Variants in MTSS1 observed in about 807,000 individuals in gnomAD.
The protein encoded by MTSS1 is protein MTSS 1.
Under a neutral mutation model 79.0 loss-of-function variants are expected in MTSS1, and 18 were observed. The ratio of observed to expected loss-of-function variants is 0.23; its 90% CI spans 0.16 to 0.34. The LOEUF (loss-of-function observed/expected upper bound fraction) is 0.34. Ranked by LOEUF, MTSS1 falls within the 10% of genes least tolerant of loss-of-function variation. The pLI is 1.00. For missense variants in MTSS1, 815 were observed against 986.2 expected (o/e 0.83, Z 2.33); for synonymous variants, 341 against 368.6 (o/e 0.93, Z 0.86).
At chr8:124,656,636 G>A (rs995761495) in intron 3 of MTSS1, among the ~76,000 whole-genome samples, 2 of 151,746 alleles carry the variant, frequency 1.3e-5, no homozygotes, top group Non-Finnish European at 2.9e-5. Context: ...AAATTAGCCA[G>A]GTGTGGTGGT....
chr8:124,655,786 A>G (rs1428632127), intron 3 of MTSS1, among the ~76,000 whole-genome samples: 2 of 152,146 alleles, frequency 1.3e-5, no homozygotes, highest in African/African-American at 4.8e-5. Context: ...AAAGGGTAGC[A>G]TCTCAGCTGG....
At position 124,598,471 on chromosome 8, in the gene MTSS1, ATCCT is replaced by A. The variant is rs560261870; in HGVS notation, c.209-7240_209-7237del. Among the ~76,000 whole-genome samples, 802 of 152,252 alleles carry A rather than the reference ATCCT, an allele frequency of 5.3e-3. 6 individuals carry two copies. Among genetic ancestry groups the A allele is most frequent in the South Asian group, 9.3e-3 (45 of 4,828 alleles). On this transcript the variant is annotated intron_variant, in intron 3 of 13. Transcript: ENST00000518547. ...GGTGAGCACTGGCGTAGGAACATGC[ATCCT>A]TTTTCCATAAGGAGGGCTCACTGTT... is the stretch of plus-strand genomic sequence containing the variant.
chr8:124,685,096 C>G (rs1404653676), intron 3 of MTSS1, among the ~76,000 whole-genome samples: 1 of 152,142 alleles, frequency 6.6e-6, no homozygotes, highest in South Asian at 2.1e-4. Flanking sequence ...TTAACCATTT[C>G]TAAATATACA....
rs1319216521 is a variant in MTSS1, at chr8:124,567,876, G to A, written c.618+503C>T. The A allele has an allele frequency of 3.2e-5, 46 of 1,447,770 alleles. 1 individual carries two copies. Among genetic ancestry groups the A allele is most frequent in the South Asian group, 1.4e-5 (1 of 70,360 alleles). The allele number at this position is 1,447,770 out of a possible 1,614,324, so 89.7% of individuals were successfully genotyped here. A position where few individuals can be genotyped will look rare whatever the true frequency, so the allele number is the denominator to read the frequency against. ...GCCTGCAGTGCAAGTTCTCAATTAC[G>A]GCATGCAAATGATTTCCTTAAAAAT... On this transcript the variant is annotated intron_variant, in intron 7 of 13. Transcript: ENST00000518547.
Position 124,688,750 on chromosome 8 carries a change from T to C in MTSS1, c.208+10776A>G, listed in dbSNP as rs1208924248. 4.8e-4 allele frequency among the ~76,000 whole-genome samples: 73 copies of C among 152,110 alleles called. 1 individual carries two copies. The highest frequency in any genetic ancestry group is 1.6e-4 in the Non-Finnish European group (11 of 68,016). On this transcript the variant is annotated intron_variant, in intron 3 of 13. Coordinates refer to ENST00000518547, the MANE Select transcript of MTSS1 (RefSeq NM_014751.6). The stretch of plus-strand genomic sequence containing the variant: ...GTGTCCTCCTTGAACTCCCTCACCA[T>C]GAAACCAAGAAGTCAGAGCCAACAA...
chr8:124,610,363 A>C (rs1234970920), intron 3 of MTSS1, among the ~76,000 whole-genome samples: 1 of 152,148 alleles, frequency 6.6e-6, no homozygotes, highest in Admixed American at 6.5e-5. Flanking sequence ...ATTACTAACA[A>C]TCTCTGAAGC....
At chr8:124,623,185 GT>G (rs533975507) in intron 3 of MTSS1, among the ~76,000 whole-genome samples, 44 of 152,304 alleles carry the variant, frequency 2.9e-4, no homozygotes, top group African/African-American at 1.0e-3. Flanking sequence ...ACTGAAAATT[GT>G]TTAACTTCAA....
chr8:124,553,223 C>T lies in MTSS1; in HGVS notation c.2037G>A (p.Lys679=). The change falls in exon 14 of 14, where the codon AAG becomes AAA. Residue 679 remains lysine, a synonymous_variant. Transcript: ENST00000518547. The surrounding 1 kb of genome is among the most constrained non-coding windows in gnomAD (Gnocchi z 6.0). ...GTCTGTGCTCCTCAGGGATACTGGG[C>T]TTCGGGCCTGGAAGTGGAGGGTTAA... ...ASVNPPLPGP[K]PSIPEEHRQA... is the part of the protein sequence containing the mutation. 1 of 1,614,160 alleles carries T rather than the reference C, an allele frequency of 6.2e-7. No homozygotes were observed. The highest frequency in any genetic ancestry group is 8.5e-7 in the Non-Finnish European group (1 of 1,180,038).
Position 124,553,365 on chromosome 8 carries a change from G to T in MTSS1, c.1895C>A (p.Ala632Asp). 1 of 1,611,964 alleles carries T rather than the reference G, an allele frequency of 6.2e-7. No individual in the cohort carries two copies. The highest frequency in any genetic ancestry group is 8.5e-7 in the Non-Finnish European group (1 of 1,178,258). ...CCGCTCTTCTGGCCCATCTGGAGGG[G>T]CTGGCAACACCCCTGGGAGGTCTGG... ...TVPDLPGVLP[A>D]PPDGPEERGE... is the part of the protein sequence containing the mutation. Residue 632 changes from alanine (A) to aspartate (D), a missense_variant, in exon 14 of 14, where the codon GCC (alanine) becomes GAC (aspartate). Physicochemically the swap from Ala to Asp is moderately radical, Grantham distance 126. This residue lies in a region of MTSS1 where 590 missense variants were observed against 620.8 expected (regional missense o/e 0.95). Coordinates refer to ENST00000518547, the MANE Select transcript of MTSS1 (RefSeq NM_014751.6). The surrounding 1 kb of genome is among the most constrained non-coding windows in gnomAD (Gnocchi z 6.0).
chr8:124,553,002 C>T lies in MTSS1; in HGVS notation c.2258G>A (p.Arg753His), dbSNP rs1240541434. 6 of 1,611,456 alleles carry T rather than the reference C, an allele frequency of 3.7e-6. No individual in the cohort carries two copies. The highest frequency in any genetic ancestry group is 1.7e-5 in the Admixed American group (1 of 59,900). Residue 753 changes from arginine (R) to histidine (H), a missense_variant, in exon 14 of 14, where the codon CGC (arginine) becomes CAC (histidine). Transcript: ENST00000518547. This position sits in a 1 kb window ranked among gnomAD's most constrained non-coding sequence, Gnocchi z 6.0. The stretch of plus-strand genomic sequence containing the variant: ...GCATTTCTTGTGAACCTAAGAAAAG[C>T]GAGGGGCTGAGCGATCGTTTGTCGT... ...KTTTNDRSAP[R>H]FS
chr8:124,664,859 G>A (rs1006116181), intron 3 of MTSS1, among the ~76,000 whole-genome samples: 2 of 152,172 alleles, frequency 1.3e-5, no homozygotes, highest in African/African-American at 4.8e-5. Flanking sequence ...CTAGGAAGTA[G>A]ACTATTCTAT....
At chr8:124,622,685 C>T (rs768551887) in intron 3 of MTSS1, among the ~76,000 whole-genome samples, 18 of 150,146 alleles carry the variant, frequency 1.2e-4, no homozygotes, top group Non-Finnish European at 2.4e-4. Flanking sequence ...ATCCATTACT[C>T]GGGAGGCTGA....
chr8:124,558,610 C>T (rs888437272), intron 10 of MTSS1: 5 of 1,393,934 alleles, frequency 3.6e-6, no homozygotes, highest in South Asian at 1.5e-5. Context: ...CTCTTGGTGT[C>T]GATTCTGAGC....
chr8:124,676,843 A>C (rs1825380251), intron 3 of MTSS1, among the ~76,000 whole-genome samples: 3 of 152,166 alleles, frequency 2.0e-5, no homozygotes, highest in African/African-American at 7.2e-5. Flanking sequence ...CAGTCCCATC[A>C]ATCAGCCAGC....
At chr8:124,568,806 C>T in intron 6 of MTSS1, 2 of 1,443,304 alleles carry the variant, frequency 1.4e-6, no homozygotes, top group South Asian at 1.5e-5. Context: ...CCTTCTCACA[C>T]TGCACAACCC....
chr8:124,676,688 T>C (rs1203071522), intron 3 of MTSS1, among the ~76,000 whole-genome samples: 1 of 152,224 alleles, frequency 6.6e-6, no homozygotes, highest in Non-Finnish European at 1.5e-5. Context: ...TCTTCAAGTA[T>C]CAAGTGAAAA....
At chr8:124,577,077 G>T (rs1018607070) in intron 6 of MTSS1, among the ~76,000 whole-genome samples, 5 of 152,198 alleles carry the variant, frequency 3.3e-5, no homozygotes, top group African/African-American at 1.2e-4. Flanking sequence ...TTGTGTCTAC[G>T]TGAGGTTTTA....
intron 3 of MTSS1, among the ~76,000 whole-genome samples, chr8:124,646,995 GC>G (rs1181851035): frequency 6.6e-6 from 1 of 152,060 alleles, no homozygotes; most frequent in Non-Finnish European, 1.5e-5. Flanking sequence ...ACAGGCATGT[GC>G]CACCATACCC....
chr8:124,726,857 G>C (rs1231968839), intron 1 of MTSS1, among the ~76,000 whole-genome samples: 1 of 152,034 alleles, frequency 6.6e-6, no homozygotes, highest in African/African-American at 2.4e-5. Flanking sequence ...ACTGGGGCTG[G>C]GCCAGAGCCA....
Sources: allele counts gnomAD v4.1 joint callset (sites outside exome capture counted in the v4.1 genomes callset), GRCh38; gene constraint gnomAD v4.1.1; regional missense constraint gnomAD v4.1.1; non-coding constraint Gnocchi (gnomAD v3.1); transcripts MANE v1.5; gene names NCBI Gene and HGNC (gene_info 2026-07-23, HGNC 2026-07-21).